Variants in ZNF385D observed in about 807,000 individuals in gnomAD.
The protein encoded by ZNF385D is zinc finger protein 385D.
A neutral mutation model predicts 35.8 loss-of-function variants in ZNF385D; 15 were observed. The ratio of observed to expected loss-of-function variants is 0.42; its 90% CI spans 0.28 to 0.64. The LOEUF (loss-of-function observed/expected upper bound fraction) is 0.64. ZNF385D is among the 30% of genes least tolerant of loss of function. ZNF385D has a pLI of 0.23. For missense variants in ZNF385D, 474 were observed against 494.6 expected (o/e 0.96, Z 0.39); for synonymous variants, 212 against 186.8 (o/e 1.13, Z -1.10).
At chr3:21,738,677 T>A (rs183964307) in intron 1 of ZNF385D, among the ~76,000 whole-genome samples, 150 of 152,294 alleles carry the variant, frequency 9.8e-4, no homozygotes, top group African/African-American at 3.5e-3. Flanking sequence ...TTGGCCTCTA[T>A]TTTTCTGTCC....
intron 3 of ZNF385D, among the ~76,000 whole-genome samples, chr3:22,138,347 C>G (rs1704284604): frequency 6.6e-6 from 1 of 152,112 alleles, no homozygotes; most frequent in Non-Finnish European, 1.5e-5. Context: ...AAAATAGAAC[C>G]CGCATTGCCA....
chr3:21,792,135 T>C (rs2071956523), intron 3 of ZNF385D, among the ~76,000 whole-genome samples: 1 of 152,234 alleles, frequency 6.6e-6, no homozygotes, highest in Non-Finnish European at 1.5e-5. Flanking sequence ...ATAAATTATA[T>C]TGTTTTGAGC....
chr3:22,242,467 G>T (rs1699550917), intron 2 of ZNF385D, among the ~76,000 whole-genome samples: 1 of 150,784 alleles, frequency 6.6e-6, no homozygotes, highest in South Asian at 2.2e-4. Context: ...ATGAAGCCAT[G>T]AAAAGGCCAC....
At chr3:22,217,577 A>G (rs1697966688) in intron 2 of ZNF385D, among the ~76,000 whole-genome samples, 1 of 152,202 alleles carries the variant, frequency 6.6e-6, no homozygotes, top group African/African-American at 2.4e-5. Flanking sequence ...TTTATGGGAT[A>G]TAATTGAATC....
chr3:22,097,096 A>G (rs951156926), intron 3 of ZNF385D, among the ~76,000 whole-genome samples: 7 of 148,622 alleles, frequency 4.7e-5, no homozygotes, highest in Non-Finnish European at 9.1e-5. Context: ...TGAGAAATGA[A>G]TTGTCCATCT....
intron 3 of ZNF385D, among the ~76,000 whole-genome samples, chr3:22,090,089 C>T (rs929272827): frequency 2.0e-5 from 3 of 152,258 alleles, no homozygotes; most frequent in South Asian, 2.1e-4. Flanking sequence ...CTACTTTCCT[C>T]GGCCTCCCAA....
intron 3 of ZNF385D, among the ~76,000 whole-genome samples, chr3:21,817,865 A>G (rs1462921891): frequency 6.6e-6 from 1 of 152,360 alleles, no homozygotes; most frequent in East Asian, 1.9e-4. Context: ...GCTGCTATAA[A>G]GACACATGCA....
chr3:22,096,023 T>C lies in ZNF385D; in HGVS notation c.325+72794A>G, dbSNP rs2125613061. ...AAAGCTGGAGATTGGAGGTTACTTT[T>C]GAAAATAAAGAATTTGAAGGAGAGA... On this transcript the variant is annotated intron_variant, in intron 3 of 5. Transcript: ENST00000494108. 2.0e-5 allele frequency among the ~76,000 whole-genome samples: 3 copies of C among 152,062 alleles called. No individual in the cohort carries two copies. The East Asian group carries it at 5.8e-4, about 29-fold the overall frequency.
intron 3 of ZNF385D, among the ~76,000 whole-genome samples, chr3:21,904,941 T>C (rs1468842990): frequency 1.3e-5 from 2 of 152,034 alleles, no homozygotes; most frequent in African/African-American, 4.8e-5. Flanking sequence ...TATGGGTTTA[T>C]CTGAAAGTAC....
intron 1 of ZNF385D, among the ~76,000 whole-genome samples, chr3:21,707,512 T>C (rs779645246): frequency 2.0e-5 from 3 of 152,208 alleles, no homozygotes; most frequent in Non-Finnish European, 4.4e-5. Context: ...TTGTGAGTGC[T>C]TCTTTGTTAG....
At chr3:21,540,124 TTTAG>T (rs1366113190) in intron 3 of ZNF385D, among the ~76,000 whole-genome samples, 1 of 152,188 alleles carries the variant, frequency 6.6e-6, no homozygotes, top group African/African-American at 2.4e-5. Context: ...TTCATATGCA[TTTAG>T]TTAGAAGCTG....
At chr3:22,313,519 T>G (rs186081339) in intron 2 of ZNF385D, among the ~76,000 whole-genome samples, 1 of 152,124 alleles carries the variant, frequency 6.6e-6, no homozygotes, top group Non-Finnish European at 1.5e-5. Context: ...ATGAAGAATA[T>G]GGTGTAGATG....
intron 3 of ZNF385D, among the ~76,000 whole-genome samples, chr3:21,979,108 A>G (rs190450608): frequency 2.0e-5 from 3 of 152,186 alleles, no homozygotes; most frequent in Admixed American, 6.5e-5. Flanking sequence ...TTTTTTTTCA[A>G]TGGTGACCCT....
chr3:22,035,907 A>C (rs1432040904), intron 3 of ZNF385D, among the ~76,000 whole-genome samples: 1 of 151,836 alleles, frequency 6.6e-6, no homozygotes, highest in African/African-American at 2.4e-5. Context: ...ATAAATGATT[A>C]GGGACACAGG....
At chr3:21,598,415 T>TA (rs1035882227) in intron 2 of ZNF385D, among the ~76,000 whole-genome samples, 1 of 152,310 alleles carries the variant, frequency 6.6e-6, no homozygotes, top group Non-Finnish European at 1.5e-5. Flanking sequence ...ACTTGTTCAT[T>TA]AAAAAAATTT....
At chr3:21,442,959 GAA>G (rs1701942622) in intron 4 of ZNF385D, among the ~76,000 whole-genome samples, 1 of 151,590 alleles carries the variant, frequency 6.6e-6, no homozygotes, top group South Asian at 2.1e-4. Context: ...GGAAACCAGA[GAA>G]AGAGTGGCTG....
chr3:22,082,905 C>T (rs558407557), intron 3 of ZNF385D, among the ~76,000 whole-genome samples: 281 of 152,332 alleles, frequency 1.8e-3, no homozygotes, highest in African/African-American at 6.7e-3. Context: ...TGCTGTTCTG[C>T]AGCCTCTGCT....
intron 2 of ZNF385D, among the ~76,000 whole-genome samples, chr3:22,275,001 G>A (rs886066432): frequency 3.9e-5 from 6 of 152,016 alleles, no homozygotes; most frequent in Non-Finnish European, 8.8e-5. Context: ...CAATTGATTA[G>A]AGAATAAGAC....
At chr3:22,057,126 G>T (rs142483232) in intron 3 of ZNF385D, among the ~76,000 whole-genome samples, 140 of 152,296 alleles carry the variant, frequency 9.2e-4, no homozygotes, top group African/African-American at 3.1e-3. Flanking sequence ...TAAGATATTT[G>T]TGTTTAAAAC....
Sources: gnomAD v4.1 joint callset for allele counts (sites outside exome capture counted in the v4.1 genomes callset) on GRCh38, gnomAD v4.1.1 for gene constraint, MANE v1.5 for transcripts, NCBI Gene and HGNC (gene_info 2026-07-23, HGNC 2026-07-21) for gene names.